The following FARS2 variants were observed in gnomAD, a reference collection of about 807,000 sequenced individuals.
FARS2 encodes the protein phenylalanyl-tRNA synthetase 2, mitochondrial, also known as phenylalanine--tRNA ligase, mitochondrial.
FARS2 carries 40 observed loss-of-function variants against 46.4 expected under a neutral mutation model. The observed-to-expected ratio is 0.86, with a 90% CI of 0.67 to 1.12. The LOEUF (loss-of-function observed/expected upper bound fraction) is 1.12, where lower values mean the gene tolerates loss of function less well. FARS2 is among the 50% of genes most tolerant of loss of function. The probability of loss-of-function intolerance (pLI) is 0.00; values close to 1 mark genes in which losing one functional copy is unlikely to be tolerated. For missense variants in FARS2, 513 were observed against 567.9 expected, an observed-to-expected ratio of 0.90 and a Z score of 0.98; for synonymous variants, 234 against 214.9, an observed-to-expected ratio of 1.09 and a Z score of -0.78.
intron 6 of FARS2, among the ~76,000 whole-genome samples, chr6:5,695,742 G>A (rs1285978937): frequency 6.6e-6 from 1 of 152,194 alleles, no homozygotes; most frequent in African/African-American, 2.4e-5. Context: ...GGGGAACTCA[G>A]AAGCCATAAA....
intron 1 of FARS2, among the ~76,000 whole-genome samples, chr6:5,334,835 A>G (rs9378421): frequency 0.23 from 34,459 of 152,150 alleles, 4,828 homozygotes; most frequent in East Asian, 0.31. Context: ...ATCCAAAAAT[A>G]TTATCTCTCC....
chr6:5,250,541 A>C, the FARS2 span, among the ~76,000 whole-genome samples: 1 of 152,140 alleles, frequency 6.6e-6, no homozygotes, highest in Non-Finnish European at 1.5e-5. Context: ...TGTTTTTTGG[A>C]AACTCCAGCA....
intron 6 of FARS2, among the ~76,000 whole-genome samples, chr6:5,624,171 A>G (rs1331479854): frequency 1.3e-5 from 2 of 150,226 alleles, no homozygotes; most frequent in African/African-American, 2.5e-5. Flanking sequence ...CAATTCTCAC[A>G]AACTGTTTTT....
intron 6 of FARS2, among the ~76,000 whole-genome samples, chr6:5,743,010 T>C (rs1761439242): frequency 6.6e-6 from 1 of 150,960 alleles, no homozygotes; most frequent in African/African-American, 2.4e-5. Flanking sequence ...GAGGGTGGAG[T>C]GGGGTGTATA....
At position 5,379,183 on chromosome 6, in the gene FARS2, T is replaced by C. The variant is rs573066689; in HGVS notation, c.612+10001T>C. Among the ~76,000 whole-genome samples, 223 of 152,278 alleles carry C rather than the reference T, an allele frequency of 1.5e-3. 1 individual carries two copies. The highest frequency in any genetic ancestry group is 4.4e-3 in the African/African-American group (184 of 41,544). On this transcript the variant is annotated intron_variant, in intron 2 of 6. Coordinates refer to ENST00000274680, the MANE Select transcript of FARS2 (RefSeq NM_006567.5). ...CTCTATCTCTTTTTGTGCCTGATCT[T>C]TCTAACCCAGGATTCTGCACAGAAC...
chr6:5,477,646 A>C (rs71557564), intron 4 of FARS2, among the ~76,000 whole-genome samples: 1 of 152,174 alleles, frequency 6.6e-6, no homozygotes. Context: ...CTCAGTTTAC[A>C]AATTATTGTA....
chr6:5,670,918 T>C (rs1039631444), intron 6 of FARS2, among the ~76,000 whole-genome samples: 5 of 152,196 alleles, frequency 3.3e-5, no homozygotes, highest in Admixed American at 2.0e-4. Context: ...ATTTTTAGTG[T>C]CCTTATTGTG....
At chr6:5,575,642 G>A (rs777124634) in intron 5 of FARS2, among the ~76,000 whole-genome samples, 1 of 152,026 alleles carries the variant, frequency 6.6e-6, no homozygotes, top group South Asian at 2.1e-4. Context: ...TTTTCTTCCT[G>A]GTCCAGGATT....
chr6:5,358,516 G>A (rs1758083917), intron 1 of FARS2, among the ~76,000 whole-genome samples: 2 of 152,138 alleles, frequency 1.3e-5, no homozygotes, highest in South Asian at 4.1e-4. Context: ...GAGAAAGCCA[G>A]AGTATGTATT....
chr6:5,500,300 G>C (rs1267570068), intron 4 of FARS2, among the ~76,000 whole-genome samples: 1 of 152,178 alleles, frequency 6.6e-6, no homozygotes, highest in Non-Finnish European at 1.5e-5. Context: ...AGCTTCTTGA[G>C]AAAAGGCTGC....
At chr6:5,318,398 A>AAACC (rs751052631) in intron 1 of FARS2, among the ~76,000 whole-genome samples, 2 of 93,090 alleles carry the variant, frequency 2.1e-5, no homozygotes, top group Non-Finnish European at 5.8e-5. Flanking sequence ...AAAAAAAAAA[A>AAACC]AAAAAAAAAC....
At chr6:5,279,528 A>G (rs1227021051) in intron 1 of FARS2, among the ~76,000 whole-genome samples, 1 of 149,466 alleles carries the variant, frequency 6.7e-6, no homozygotes, top group Non-Finnish European at 1.5e-5. Flanking sequence ...CTCTCTATAA[A>G]TAAATATAGA....
At chr6:5,572,524 A>C (rs969847324) in intron 5 of FARS2, among the ~76,000 whole-genome samples, 1 of 152,118 alleles carries the variant, frequency 6.6e-6, no homozygotes, top group Non-Finnish European at 1.5e-5. Flanking sequence ...ATAGTAAGAA[A>C]GAGATCGATG....
rs145177438 is a variant in FARS2, at chr6:5,453,558, C to T, written c.904+22386C>T. On this transcript the variant is annotated intron_variant, in intron 4 of 6. Coordinates refer to ENST00000274680, the MANE Select transcript of FARS2 (RefSeq NM_006567.5). ...TGAGCTTTCTGACATTCCTTAGTCT[C>T]TTCTTACTAGTATAATAGGATTTGA... Among the ~76,000 whole-genome samples the T allele has an allele frequency of 5.9e-3, 897 of 152,316 alleles. 7 individuals carry two copies. Among genetic ancestry groups the T allele is most frequent in the African/African-American group, 0.021 (856 of 41,562 alleles).
intron 6 of FARS2, among the ~76,000 whole-genome samples, chr6:5,732,148 C>T (rs991575380): frequency 2.0e-5 from 3 of 152,188 alleles, no homozygotes; most frequent in African/African-American, 7.2e-5. Flanking sequence ...TTGCTCAGCA[C>T]CTGCTATGTA....
chr6:5,265,839 G>GTGCAAGGAGAGGA (rs1392991813), intron 1 of FARS2, among the ~76,000 whole-genome samples: 7 of 152,220 alleles, frequency 4.6e-5, no homozygotes, highest in African/African-American at 1.7e-4. Context: ...TGGGGTCTCA[G>GTGCAAGGAGAGGA]TGCAAGGAGA....
chr6:5,323,137 G>T (rs1770104445), intron 1 of FARS2, among the ~76,000 whole-genome samples: 1 of 151,916 alleles, frequency 6.6e-6, no homozygotes, highest in African/African-American at 2.4e-5. Context: ...AATTATTTTG[G>T]AAGTACTCAT....
chr6:5,736,696 C>A (rs1760977945), intron 6 of FARS2, among the ~76,000 whole-genome samples: 1 of 151,920 alleles, frequency 6.6e-6, no homozygotes, highest in African/African-American at 2.4e-5. Flanking sequence ...TTGCATGTAC[C>A]CCTTGCTATT....
intron 1 of FARS2, among the ~76,000 whole-genome samples, chr6:5,357,274 C>T (rs965757808): frequency 5.3e-5 from 8 of 152,094 alleles, no homozygotes; most frequent in African/African-American, 1.9e-4. Flanking sequence ...CTTAGCTAAA[C>T]AGTGATTTGG....
Sources: allele counts gnomAD v4.1 joint callset (sites outside exome capture counted in the v4.1 genomes callset), GRCh38; gene constraint gnomAD v4.1.1; transcripts MANE v1.5; gene names NCBI Gene and HGNC (gene_info 2026-07-23, HGNC 2026-07-21).